Variants in TBC1D22A observed in about 807,000 individuals in gnomAD.
The protein encoded by TBC1D22A is TBC1 domain family member 22A.
Under a neutral mutation model 60.2 loss-of-function variants are expected in TBC1D22A, and 38 were observed. That is an observed-to-expected ratio of 0.63 (90% CI 0.49 to 0.83). TBC1D22A has a LOEUF of 0.83. TBC1D22A is among the 40% of genes least tolerant of loss of function. The pLI, the probability that TBC1D22A is intolerant of heterozygous loss-of-function variation, is 0.00. For missense variants in TBC1D22A, 628 were observed against 701.0 expected, an observed-to-expected ratio of 0.90 and a Z score of 1.18; for synonymous variants, 302 against 281.7, an observed-to-expected ratio of 1.07 and a Z score of -0.72.
chr22:46,786,203 T>C (rs2084153160), intron 1 of TBC1D22A, among the ~76,000 whole-genome samples: 1 of 152,236 alleles, frequency 6.6e-6, no homozygotes, highest in Admixed American at 6.5e-5. Flanking sequence ...CCTAGTTTGT[T>C]GATAATTTTT....
chr22:46,816,035 C>A (rs954792899), intron 4 of TBC1D22A, among the ~76,000 whole-genome samples: 41 of 152,306 alleles, frequency 2.7e-4, no homozygotes, highest in African/African-American at 9.1e-4. Flanking sequence ...GGTGTCATTT[C>A]CCTGCCTACA....
At chr22:46,923,117 T>G (rs545744492) in intron 8 of TBC1D22A, among the ~76,000 whole-genome samples, 2 of 152,322 alleles carry the variant, frequency 1.3e-5, no homozygotes, top group African/African-American at 4.8e-5. Flanking sequence ...CAGAGTAATG[T>G]AAAAACATAG....
chr22:47,066,334 C>T (rs1337151373), intron 11 of TBC1D22A, among the ~76,000 whole-genome samples: 1 of 151,348 alleles, frequency 6.6e-6, no homozygotes, highest in Non-Finnish European at 1.5e-5. Context: ...GGGGGTTCCT[C>T]GGAATGCTGG....
At chr22:46,966,090 G>C (rs745720809) in intron 8 of TBC1D22A, among the ~76,000 whole-genome samples, 1 of 152,166 alleles carries the variant, frequency 6.6e-6, no homozygotes, top group Non-Finnish European at 1.5e-5. Context: ...AGTCTCTGGG[G>C]CCTCCGCATC....
intron 8 of TBC1D22A, among the ~76,000 whole-genome samples, chr22:46,924,726 C>T (rs1427113511): frequency 1.4e-5 from 2 of 146,336 alleles, no homozygotes; most frequent in African/African-American, 5.1e-5. Context: ...GCCTGAGCAA[C>T]AAGAGTGAAA....
At chr22:46,807,695 G>A (rs1249386752) in intron 4 of TBC1D22A, among the ~76,000 whole-genome samples, 1 of 152,200 alleles carries the variant, frequency 6.6e-6, no homozygotes, top group Non-Finnish European at 1.5e-5. Context: ...AAATGGAGGA[G>A]GACCTAAGGT....
intron 5 of TBC1D22A, among the ~76,000 whole-genome samples, chr22:46,886,651 A>G (rs1438759987): frequency 6.6e-6 from 1 of 152,230 alleles, no homozygotes; most frequent in African/African-American, 2.4e-5. Context: ...ATTAGAAATA[A>G]TCAAAATACT....
intron 2 of TBC1D22A, 150 bp from the exon 3 acceptor site, chr22:46,793,351 C>T: frequency 2.6e-6 from 2 of 777,474 alleles, no homozygotes; most frequent in Non-Finnish European, 4.1e-6. Flanking sequence ...TTTTGGCTGT[C>T]TCTGTGAATT....
intron 12 of TBC1D22A, among the ~76,000 whole-genome samples, chr22:47,170,321 A>ATGATGATGATGCATG (rs1340104168): frequency 2.6e-5 from 4 of 152,180 alleles, no homozygotes; most frequent in Admixed American, 6.5e-5. Context: ...CTCACCTTGC[A>ATGATGATGATGCATG]AGGAGCGAGG....
chr22:46,929,434 C>A (rs2064166), intron 8 of TBC1D22A, among the ~76,000 whole-genome samples: 117,159 of 152,094 alleles, frequency 0.77, 45,257 homozygotes, highest in Middle Eastern at 0.85. Flanking sequence ...TATTTTCTTT[C>A]CCTTAATTAT....
chr22:46,768,956 T>C (rs972506132), intron 1 of TBC1D22A, among the ~76,000 whole-genome samples: 1 of 151,854 alleles, frequency 6.6e-6, no homozygotes, highest in Non-Finnish European at 1.5e-5. Flanking sequence ...TAGCTGGACA[T>C]TGTGGCAGGC....
At chr22:46,827,181 G>A (rs2086106277) in intron 4 of TBC1D22A, among the ~76,000 whole-genome samples, 1 of 152,114 alleles carries the variant, frequency 6.6e-6, no homozygotes, top group Non-Finnish European at 1.5e-5. Flanking sequence ...GGGTCTCCCG[G>A]GTCCCATGGC....
At chr22:46,959,271 T>C (rs2073370370) in intron 8 of TBC1D22A, among the ~76,000 whole-genome samples, 2 of 152,118 alleles carry the variant, frequency 1.3e-5, no homozygotes. Flanking sequence ...GGTGTGAGGG[T>C]GGCACAAGAG....
intron 4 of TBC1D22A, among the ~76,000 whole-genome samples, chr22:46,847,481 A>C (rs949230651): frequency 5.9e-5 from 9 of 152,220 alleles, no homozygotes; most frequent in Non-Finnish European, 1.2e-4. Flanking sequence ...CATTTTCTGC[A>C]CGTTGAGAAT....
chr22:46,857,091 C>T (rs1205582046), intron 4 of TBC1D22A, among the ~76,000 whole-genome samples: 1 of 152,296 alleles, frequency 6.6e-6, no homozygotes, highest in Non-Finnish European at 1.5e-5. Context: ...CCGTGGTCAT[C>T]ATTGGGTCAC....
chr22:46,854,798 T>G (rs149477474), intron 4 of TBC1D22A, among the ~76,000 whole-genome samples: 1 of 152,218 alleles, frequency 6.6e-6, no homozygotes, highest in African/African-American at 2.4e-5. Flanking sequence ...ATCACACTCC[T>G]GATATTTAAT....
At chr22:46,993,407 T>A (rs2075015172) in intron 9 of TBC1D22A, among the ~76,000 whole-genome samples, 1 of 152,236 alleles carries the variant, frequency 6.6e-6, no homozygotes, top group African/African-American at 2.4e-5. Context: ...TATCCTTTTT[T>A]AAAGATACCA....
At chr22:47,067,834 A>G (rs2063828702) in intron 11 of TBC1D22A, among the ~76,000 whole-genome samples, 1 of 152,246 alleles carries the variant, frequency 6.6e-6, no homozygotes, top group Non-Finnish European at 1.5e-5. Flanking sequence ...TCCCAGCTGA[A>G]TGGCCCTCTT....
At chr22:47,172,399 A>G (rs1204648849) in intron 12 of TBC1D22A, among the ~76,000 whole-genome samples, 2 of 152,224 alleles carry the variant, frequency 1.3e-5, no homozygotes. Flanking sequence ...GGGAAGTAGA[A>G]TGGGAGAATG....
Sources: allele counts gnomAD v4.1 joint callset (sites outside exome capture counted in the v4.1 genomes callset), GRCh38; gene constraint gnomAD v4.1.1; transcripts MANE v1.5; gene names NCBI Gene and HGNC (gene_info 2026-07-23, HGNC 2026-07-21).